EPB41L2: variants seen among roughly 807,000 people sequenced by gnomAD.
EPB41L2 encodes the protein erythrocyte membrane protein band 4.1 like 2, also known as band 4.1-like protein 2.
In EPB41L2, 43 loss-of-function variants were observed where a neutral mutation model predicts 113.0. The observed-to-expected ratio is 0.38, with a 90% CI of 0.30 to 0.49. The LOEUF is 0.49. Among genes scored for constraint, EPB41L2 ranks in the 20% least tolerant of loss-of-function variants. The pLI, the probability that EPB41L2 is intolerant of heterozygous loss-of-function variation, is 0.95. For missense variants in EPB41L2, 1,147 were observed against 1,223.4 expected, an observed-to-expected ratio of 0.94 and a Z score of 0.93; for synonymous variants, 442 against 436.7, an observed-to-expected ratio of 1.01 and a Z score of -0.15.
chr6:130,944,207 A>ACACACACACACACACACACAC (rs1378126473), intron 3 of EPB41L2, among the ~76,000 whole-genome samples: 1 of 150,960 alleles, frequency 6.6e-6, no homozygotes, highest in Non-Finnish European at 1.5e-5. Flanking sequence ...ACACACACAC[A>ACACACACACACACACACACAC]AATGCCCAAA....
intron 4 of EPB41L2, among the ~76,000 whole-genome samples, chr6:130,918,000 T>C (rs1373231332): frequency 1.3e-5 from 2 of 152,220 alleles, no homozygotes; most frequent in African/African-American, 4.8e-5. Context: ...TTTATAGTGC[T>C]GAAACAGATC....
chr6:130,848,280 T>C (rs1777717868), intron 19 of EPB41L2, among the ~76,000 whole-genome samples: 2 of 151,174 alleles, frequency 1.3e-5, no homozygotes, highest in African/African-American at 4.9e-5. Context: ...AGTTTAAGGT[T>C]GTCCTCTCAC....
chr6:130,903,372 G>A lies in EPB41L2; in HGVS notation c.929+1093C>T, dbSNP rs3777449. ...CTAATTCATTCAGAGCTTAATTAGT[G>A]CATTCATATTCAGCAACAAGTAGTT... On this transcript the variant is annotated intron_variant, in intron 6 of 19. Transcript: ENST00000337057. 3.4e-4 allele frequency among the ~76,000 whole-genome samples: 50 copies of A among 148,266 alleles called. 2 individuals carry two copies. In the East Asian group the frequency reaches 0.01, roughly 30 times the overall value.
At chr6:131,002,032 G>A (rs900257099) in intron 1 of EPB41L2, among the ~76,000 whole-genome samples, 10 of 152,046 alleles carry the variant, frequency 6.6e-5, no homozygotes, top group Non-Finnish European at 1.0e-4. Flanking sequence ...CACCTGAGCC[G>A]TCACATATAG....
At chr6:130,923,745 A>G (rs1431502222) in intron 4 of EPB41L2, among the ~76,000 whole-genome samples, 9 of 152,250 alleles carry the variant, frequency 5.9e-5, no homozygotes, top group Admixed American at 5.9e-4. Context: ...CTCTGAGGGC[A>G]GAGTCACGTC....
At position 130,845,386 on chromosome 6, in the gene EPB41L2, T is replaced by C. The variant is rs1043045819; in HGVS notation, c.*6-4788A>G. On this transcript the variant is annotated intron_variant, in intron 19 of 19. Transcript: ENST00000337057. ...ACTATATTTGAGGTAACCTTATTCTTTTTTTTTTAGAGGCAGGGTCTTGCT... is the reference window on the plus strand; with the variant it reads ...ACTATATTTGAGGTAACCTTATTCTCTTTTTTTTAGAGGCAGGGTCTTGCT... Among the ~76,000 whole-genome samples, 5 of 1,436 alleles carry C rather than the reference T, an allele frequency of 3.5e-3. No homozygotes were observed. In the African/African-American group the frequency reaches 0.089, roughly 26 times the overall value. The allele number at this position is 1,436 out of a possible 152,430, so 0.9% of individuals were successfully genotyped here.
At chr6:131,021,538 G>A (rs1217057879) in intron 1 of EPB41L2, among the ~76,000 whole-genome samples, 1 of 152,114 alleles carries the variant, frequency 6.6e-6, no homozygotes, top group Admixed American at 6.5e-5. Context: ...GCAGGTGCCT[G>A]TAATCCCAGC....
chr6:130,843,672 C>T (rs1246193563), intron 19 of EPB41L2, among the ~76,000 whole-genome samples: 2 of 152,172 alleles, frequency 1.3e-5, no homozygotes, highest in African/African-American at 2.4e-5. Context: ...TTCCAAGTGT[C>T]ACTGTTCCAC....
chr6:130,849,835 A>G (rs1215761372), intron 19 of EPB41L2, among the ~76,000 whole-genome samples: 1 of 152,154 alleles, frequency 6.6e-6, no homozygotes, highest in Non-Finnish European at 1.5e-5. Context: ...ATGTTTAATA[A>G]TGTTTAGTTG....
chr6:130,886,621 TTTG>T (rs57191069), intron 11 of EPB41L2, among the ~76,000 whole-genome samples: 10 of 136,122 alleles, frequency 7.3e-5, no homozygotes, highest in African/African-American at 2.2e-4. Flanking sequence ...TCCAGCGGTT[TTTG>T]TTGTTGTTGT....
chr6:130,925,791 T>C (rs1562501428), intron 4 of EPB41L2, among the ~76,000 whole-genome samples: 1 of 152,202 alleles, frequency 6.6e-6, no homozygotes, highest in Non-Finnish European at 1.5e-5. Flanking sequence ...CTGAAAACAG[T>C]ACTCTAAACA....
At chr6:131,005,069 T>C (rs951570730) in intron 1 of EPB41L2, among the ~76,000 whole-genome samples, 2 of 152,158 alleles carry the variant, frequency 1.3e-5, no homozygotes, top group Non-Finnish European at 2.9e-5. Flanking sequence ...CACTCAGACG[T>C]CAATGCTAAT....
At chr6:130,905,567 C>T (rs373765275) in intron 5 of EPB41L2, among the ~76,000 whole-genome samples, 6 of 151,934 alleles carry the variant, frequency 3.9e-5, no homozygotes, top group African/African-American at 9.7e-5. Context: ...CACAGGCATG[C>T]GCTACGATGT....
At chr6:130,895,597 T>A (rs969849989) in intron 8 of EPB41L2, among the ~76,000 whole-genome samples, 1 of 152,232 alleles carries the variant, frequency 6.6e-6, no homozygotes, top group Non-Finnish European at 1.5e-5. Flanking sequence ...CTTAAAATTA[T>A]GCCAATATTT....
At chr6:130,931,896 C>T (rs1214714709) in intron 3 of EPB41L2, among the ~76,000 whole-genome samples, 1 of 152,128 alleles carries the variant, frequency 6.6e-6, no homozygotes, top group Non-Finnish European at 1.5e-5. Context: ...TGACCCCCAG[C>T]CCTACTCTTA....
At chr6:130,961,384 A>G (rs1013550282) in intron 1 of EPB41L2, among the ~76,000 whole-genome samples, 1 of 152,222 alleles carries the variant, frequency 6.6e-6, no homozygotes, top group Non-Finnish European at 1.5e-5. Context: ...GCAGAAAACC[A>G]TCATCAATAG....
chr6:130,848,297 C>G (rs1777723630), intron 19 of EPB41L2, among the ~76,000 whole-genome samples: 1 of 150,638 alleles, frequency 6.6e-6, no homozygotes, highest in African/African-American at 2.4e-5. Flanking sequence ...TCACTTCATC[C>G]CTCCTACCCT....
Position 130,915,335 on chromosome 6 carries a change from C to T in EPB41L2, c.811-6472G>A, listed in dbSNP as rs565996944. On this transcript the variant is annotated intron_variant, in intron 4 of 19. Coordinates refer to ENST00000337057, the MANE Select transcript of EPB41L2 (RefSeq NM_001431.4). ...AAGAATATCAAGTATTGTTAAATCA[C>T]CTTCAAACATGAAATTGGGAGGTAA... Among the ~76,000 whole-genome samples the T allele has an allele frequency of 2.0e-5, 3 of 152,324 alleles. No homozygotes were observed. The South Asian group carries it at 6.2e-4, about 32-fold the overall frequency.
intron 3 of EPB41L2, among the ~76,000 whole-genome samples, chr6:130,932,044 CA>C (rs1350523509): frequency 6.6e-6 from 1 of 152,154 alleles, no homozygotes; most frequent in Non-Finnish European, 1.5e-5. Context: ...TGGCTTATTA[CA>C]TGGATTCATT....
Sources: allele counts gnomAD v4.1 joint callset (sites outside exome capture counted in the v4.1 genomes callset), GRCh38; gene constraint gnomAD v4.1.1; transcripts MANE v1.5; gene names NCBI Gene and HGNC (gene_info 2026-07-23, HGNC 2026-07-21).